PROM1: variants seen among roughly 807,000 people sequenced by gnomAD.
PROM1 encodes the protein prominin-1.
A neutral mutation model predicts 116.9 loss-of-function variants in PROM1; 105 were observed. The ratio of observed to expected loss-of-function variants is 0.90; its 90% CI spans 0.77 to 1.06. PROM1 has a LOEUF of 1.06. Among genes scored for constraint, PROM1 ranks in the 50% least tolerant of loss-of-function variants. The pLI is 0.00. For missense variants in PROM1, 1,122 were observed against 1,045.2 expected, an observed-to-expected ratio of 1.07 and a Z score of -1.01; for synonymous variants, 393 against 387.0, an observed-to-expected ratio of 1.02 and a Z score of -0.18.
chr4:16,023,509 G>A, intron 7 of PROM1, 94 bp from the exon 8 acceptor site: 1 of 1,006,784 alleles, frequency 9.9e-7, no homozygotes, highest in Non-Finnish European at 1.5e-6. Context: ...AGCCCCTCCT[G>A]CTGCAAAACC....
intron 2 of PROM1, among the ~76,000 whole-genome samples, chr4:16,065,533 AG>A (rs1479191091): frequency 6.6e-6 from 1 of 152,194 alleles, no homozygotes; most frequent in African/African-American, 2.4e-5. Flanking sequence ...GTGGAGGTGG[AG>A]GTCTCCTCAG....
At chr4:16,026,142 A>G (rs1013966222) in intron 5 of PROM1, among the ~76,000 whole-genome samples, 1 of 152,258 alleles carries the variant, frequency 6.6e-6, no homozygotes, top group African/African-American at 2.4e-5. Context: ...TATGAAAGGC[A>G]TCTTACAGGA....
In PROM1 at chr4:16,061,517, C is replaced by T. The variant is rs182374406; in HGVS notation, c.220+14170G>A. On this transcript the variant is annotated intron_variant, in intron 2 of 27. Transcript: ENST00000447510. ...TCCCAGGAGCTAAAGCCCACTTTCT[C>T]GGCTGACCAGATGACATGGACATCA... 1.9e-4 allele frequency among the ~76,000 whole-genome samples: 29 copies of T among 152,326 alleles called. No individual in the cohort carries two copies. In the East Asian group the frequency reaches 4.4e-3, roughly 23 times the overall value.
At chr4:16,003,494 C>G (rs1240041931) in intron 13 of PROM1, 1 of 444,586 alleles carries the variant, frequency 2.2e-6, no homozygotes, top group Non-Finnish European at 4.6e-6. Flanking sequence ...ATACCTGTGG[C>G]TGCTCTTGGC....
intron 2 of PROM1, among the ~76,000 whole-genome samples, chr4:16,056,407 G>A (rs1012339684): frequency 6.6e-6 from 1 of 152,114 alleles, no homozygotes; most frequent in Non-Finnish European, 1.5e-5. Context: ...CAATTATGGG[G>A]TACTTGCTGC....
chr4:16,075,654 TA>T (rs1560626761), intron 2 of PROM1, 32 bp downstream of exon 2: 1 of 1,570,874 alleles, frequency 6.4e-7, no homozygotes, highest in Non-Finnish European at 8.7e-7. Flanking sequence ...CGTTTGGAGA[TA>T]AATCCTATCT....
In PROM1 at chr4:15,995,192, A is replaced by G. The variant is rs1055647692; in HGVS notation, c.1683-1121T>C. On this transcript the variant is annotated intron_variant, in intron 15 of 27. Coordinates refer to ENST00000447510, the MANE Select transcript of PROM1 (RefSeq NM_006017.3). Reference sequence around the variant, plus strand: ...TGGACACTTGTTAGCTGCCTCTGCCAGAAGCAATGGAGAAACTTAGGTAGG... The same window carrying G: ...TGGACACTTGTTAGCTGCCTCTGCCGGAAGCAATGGAGAAACTTAGGTAGG... 5.8e-4 allele frequency among the ~76,000 whole-genome samples: 89 copies of G among 152,236 alleles called. 2 individuals are homozygous for G. Among genetic ancestry groups the G allele is most frequent in the African/African-American group, 2.0e-3 (83 of 41,542 alleles).
intron 24 of PROM1, 160 bp downstream of exon 24, chr4:15,980,262 G>GA (rs3841512): frequency 0.81 from 470,658 of 579,564 alleles, 188,889 homozygotes; most frequent in African/African-American, 0.87. Flanking sequence ...TCAGTACCAA[G>GA]AAAAAAAAAT....
rs140129285 is a variant in PROM1 at position 15,977,439 on chromosome 4, G to C, written c.2582+1956C>G. Among the ~76,000 whole-genome samples, 18 of 152,264 alleles carry C rather than the reference G, an allele frequency of 1.2e-4. No homozygotes were observed. The East Asian group carries it at 3.3e-3, about 28-fold the overall frequency. On this transcript the variant is annotated intron_variant, in intron 26 of 27. Transcript: ENST00000447510. ...TGCTACACCGCAAAAAGGAAGGCCA[G>C]GACATTATGCAGGCAGCCGTACTGT... is the stretch of plus-strand genomic sequence containing the variant.
At chr4:15,988,079 T>G (rs189393978) in intron 19 of PROM1, among the ~76,000 whole-genome samples, 30 of 152,274 alleles carry the variant, frequency 2.0e-4, no homozygotes, top group African/African-American at 7.0e-4. Context: ...GGTTTCACCG[T>G]GTTAGCCAAG....
In PROM1 at chr4:16,006,555, T is replaced by G; in HGVS notation, c.1437A>C (p.Gly479=). 2 of 1,595,952 alleles carry G rather than the reference T, an allele frequency of 1.3e-6. No individual in the cohort carries two copies. Among genetic ancestry groups the G allele is most frequent in the East Asian group, 2.3e-5 (1 of 43,942 alleles). The change falls in exon 13 of 28, where the codon GGA becomes GGC. Residue 479 remains glycine, a synonymous_variant. Coordinates refer to ENST00000447510, the MANE Select transcript of PROM1 (RefSeq NM_006017.3). ...ACACTCACACCATGAGGAAGACGCCTCCGGTGTTGGAGACACAGCCTCGGG... is the reference window on the plus strand; with the variant it reads ...ACACTCACACCATGAGGAAGACGCCGCCGGTGTTGGAGACACAGCCTCGGG... The part of the protein sequence containing the change: ...PTTRGCVSNT[G]GVFLMVGVGL...
intron 19 of PROM1, among the ~76,000 whole-genome samples, chr4:15,988,382 A>G (rs997940627): frequency 2.0e-5 from 3 of 152,230 alleles, no homozygotes; most frequent in Non-Finnish European, 4.4e-5. Flanking sequence ...CAGGAGGTTG[A>G]CAAACTTTAT....
intron 13 of PROM1, 90 bp from the exon 14 acceptor site, chr4:16,000,709 T>C: frequency 1.7e-6 from 2 of 1,151,118 alleles, no homozygotes; most frequent in Non-Finnish European, 2.4e-6. Flanking sequence ...CTCTATAAAA[T>C]AGCCCTGGGG....
intron 27 of PROM1, among the ~76,000 whole-genome samples, chr4:15,970,374 T>C (rs1361673679): frequency 6.6e-6 from 1 of 151,836 alleles, no homozygotes; most frequent in Non-Finnish European, 1.5e-5. Flanking sequence ...GGTTTCACCA[T>C]GTTGGCCAGG....
chr4:16,075,312 G>GT (rs1743724814), intron 2 of PROM1, among the ~76,000 whole-genome samples: 1 of 152,202 alleles, frequency 6.6e-6, no homozygotes, highest in South Asian at 2.1e-4. Context: ...TCAGTTGCTA[G>GT]TTATTCGTTT....
intron 5 of PROM1, among the ~76,000 whole-genome samples, chr4:16,027,025 G>A (rs1479222194): frequency 6.6e-6 from 1 of 152,212 alleles, no homozygotes; most frequent in African/African-American, 2.4e-5. Context: ...ACTTAGATTA[G>A]ATAAGTGCTT....
At chr4:16,054,270 A>G (rs569538059) in intron 2 of PROM1, among the ~76,000 whole-genome samples, 1 of 152,142 alleles carries the variant, frequency 6.6e-6, no homozygotes, top group Non-Finnish European at 1.5e-5. Context: ...CAAGTTAATC[A>G]GTCTATCTAA....
intron 23 of PROM1, among the ~76,000 whole-genome samples, chr4:15,980,936 C>T (rs1179205157): frequency 1.0e-5 from 1 of 100,026 alleles, no homozygotes; most frequent in Non-Finnish European, 2.2e-5. Flanking sequence ...TTCAGTCCCT[C>T]TTATGAGTTG....
chr4:15,995,225 A>G (rs1722008818), intron 15 of PROM1, among the ~76,000 whole-genome samples: 1 of 152,106 alleles, frequency 6.6e-6, no homozygotes. Context: ...AGGAAGTGAC[A>G]CATGTGGTTG....
Sources: gnomAD v4.1 joint callset for allele counts (sites outside exome capture counted in the v4.1 genomes callset) on GRCh38, gnomAD v4.1.1 for gene constraint, MANE v1.5 for transcripts, NCBI Gene and HGNC (gene_info 2026-07-23, HGNC 2026-07-21) for gene names.